SNTG1: variants seen among roughly 807,000 people sequenced by gnomAD.
SNTG1 encodes the protein gamma-1-syntrophin.
Under a neutral mutation model 74.7 loss-of-function variants are expected in SNTG1, and 39 were observed. That is an observed-to-expected ratio of 0.52 (90% CI 0.40 to 0.68). The LOEUF is 0.68. Ranked by LOEUF, SNTG1 falls within the 30% of genes least tolerant of loss-of-function variation. The pLI, the probability that SNTG1 is intolerant of heterozygous loss-of-function variation, is 0.00. For missense variants in SNTG1, 685 were observed against 609.5 expected (o/e 1.12, Z -1.30); for synonymous variants, 254 against 217.1 (o/e 1.17, Z -1.49).
intron 1 of SNTG1, among the ~76,000 whole-genome samples, chr8:49,999,990 G>A (rs1814598761): frequency 6.6e-6 from 1 of 152,090 alleles, no homozygotes; most frequent in Admixed American, 6.5e-5. Context: ...TTGAATAATT[G>A]TATCTGGTAT....
At chr8:50,364,084 T>C (rs1221395686) in intron 2 of SNTG1, among the ~76,000 whole-genome samples, 4 of 152,126 alleles carry the variant, frequency 2.6e-5, no homozygotes, top group Admixed American at 6.6e-5. Flanking sequence ...TTTAGGGAAG[T>C]TCCATTACAT....
At chr8:49,935,034 TC>T (rs1807930607) in intron 1 of SNTG1, among the ~76,000 whole-genome samples, 1 of 152,058 alleles carries the variant, frequency 6.6e-6, no homozygotes, top group South Asian at 2.1e-4. Context: ...GTTTAAGCCA[TC>T]CCGTACCATA....
intron 12 of SNTG1, among the ~76,000 whole-genome samples, chr8:50,558,644 T>C (rs1478500344): frequency 6.6e-6 from 1 of 152,014 alleles, no homozygotes; most frequent in African/African-American, 2.4e-5. Context: ...GTGTTTTTTT[T>C]TTCCTTCTTG....
intron 17 of SNTG1, among the ~76,000 whole-genome samples, chr8:50,745,357 T>C (rs1184899806): frequency 6.6e-6 from 1 of 151,892 alleles, no homozygotes; most frequent in East Asian, 1.9e-4. Context: ...CACTTTACAT[T>C]CATTGGGATG....
At chr8:50,584,676 C>T (rs1285896822) in intron 12 of SNTG1, among the ~76,000 whole-genome samples, 1 of 151,954 alleles carries the variant, frequency 6.6e-6, no homozygotes, top group Non-Finnish European at 1.5e-5. Flanking sequence ...AGTGGTAGCC[C>T]TCTAGGTTTT....
At chr8:50,413,915 T>C (rs1160806914) in intron 4 of SNTG1, among the ~76,000 whole-genome samples, 1 of 152,200 alleles carries the variant, frequency 6.6e-6, no homozygotes, top group Non-Finnish European at 1.5e-5. Flanking sequence ...TTCTATTCTA[T>C]CCTATTTTAT....
At chr8:50,168,597 G>A (rs766051594) in intron 1 of SNTG1, among the ~76,000 whole-genome samples, 2 of 152,008 alleles carry the variant, frequency 1.3e-5, no homozygotes, top group South Asian at 2.1e-4. Flanking sequence ...ATGTTATAAA[G>A]CATATTAATA....
intron 11 of SNTG1, among the ~76,000 whole-genome samples, chr8:50,548,437 T>G (rs900649067): frequency 6.6e-6 from 1 of 152,162 alleles, no homozygotes; most frequent in African/African-American, 2.4e-5. Flanking sequence ...AATTCAAGTC[T>G]GACAGTGGAG....
At chr8:50,431,731 G>T (rs989243471) in intron 4 of SNTG1, among the ~76,000 whole-genome samples, 1 of 152,156 alleles carries the variant, frequency 6.6e-6, no homozygotes, top group Non-Finnish European at 1.5e-5. Context: ...TTTAATAAGT[G>T]TATAATATTA....
intron 2 of SNTG1, among the ~76,000 whole-genome samples, chr8:50,266,678 G>GTATATATA (rs1160066855): frequency 2.0e-4 from 28 of 136,902 alleles, no homozygotes; most frequent in African/African-American, 7.2e-4. Context: ...GTGTGTGTGT[G>GTATATATA]TGTGTGTATA....
intron 2 of SNTG1, among the ~76,000 whole-genome samples, chr8:50,388,323 C>T (rs759518132): frequency 1.3e-5 from 2 of 152,138 alleles, no homozygotes; most frequent in Non-Finnish European, 2.9e-5. Context: ...AGAACCTTGC[C>T]TTATCAATAC....
At chr8:50,627,035 G>A (rs188172385) in intron 13 of SNTG1, among the ~76,000 whole-genome samples, 23 of 151,726 alleles carry the variant, frequency 1.5e-4, no homozygotes, top group Non-Finnish European at 3.1e-4. Context: ...TGATTTTGTC[G>A]ACTGCACAGC....
intron 1 of SNTG1, among the ~76,000 whole-genome samples, chr8:50,098,184 A>G (rs203632): frequency 0.54 from 81,947 of 151,908 alleles, 24,493 homozygotes; most frequent in East Asian, 0.84. Flanking sequence ...CATGGTTTCA[A>G]ATCTTTCCAG....
intron 1 of SNTG1, among the ~76,000 whole-genome samples, chr8:49,934,178 T>C (rs1428488035): frequency 6.6e-6 from 1 of 152,092 alleles, no homozygotes; most frequent in Admixed American, 6.5e-5. Flanking sequence ...TTATAAGGTA[T>C]ACCTTACTTA....
chr8:50,713,788 G>T lies in SNTG1; in HGVS notation c.1284+4810G>T, dbSNP rs186522053. Among the ~76,000 whole-genome samples the T allele has an allele frequency of 2.0e-5, 3 of 152,210 alleles. 1 individual carries two copies. Among genetic ancestry groups the T allele is most frequent in the Non-Finnish European group, 4.4e-5 (3 of 68,000 alleles). On this transcript the variant is annotated intron_variant, in intron 17 of 18. Coordinates refer to ENST00000642720, the MANE Select transcript of SNTG1 (RefSeq NM_018967.5). ...TAAATAGGGAATCCTGGCTGGGTGT[G>T]GTGGCTCACATCTGTAATTCCAGCA... is the stretch of plus-strand genomic sequence containing the variant.
chr8:50,541,184 T>C (rs1003029157), intron 11 of SNTG1, among the ~76,000 whole-genome samples: 31 of 151,900 alleles, frequency 2.0e-4, no homozygotes, highest in African/African-American at 7.0e-4. Context: ...ATTGCAAAAC[T>C]GTAATACAAT....
At chr8:49,943,235 C>T (rs549330940) in intron 1 of SNTG1, among the ~76,000 whole-genome samples, 65 of 152,174 alleles carry the variant, frequency 4.3e-4, no homozygotes, top group African/African-American at 1.6e-3. Context: ...GGATTACATC[C>T]AAATTATGGT....
chr8:50,261,496 A>T (rs187607599), intron 2 of SNTG1, among the ~76,000 whole-genome samples: 158 of 152,100 alleles, frequency 1.0e-3, no homozygotes, highest in Admixed American at 2.0e-3. Flanking sequence ...AAAGGTAAAA[A>T]TTTTTTTTAT....
intron 2 of SNTG1, among the ~76,000 whole-genome samples, chr8:50,364,932 T>A (rs1443554530): frequency 6.6e-6 from 1 of 152,060 alleles, no homozygotes; most frequent in Non-Finnish European, 1.5e-5. Context: ...GAAAAAATCA[T>A]TTAAGGCTTT....
Sources: gnomAD v4.1 joint callset for allele counts (sites outside exome capture counted in the v4.1 genomes callset) on GRCh38, gnomAD v4.1.1 for gene constraint, MANE v1.5 for transcripts, NCBI Gene and HGNC (gene_info 2026-07-23, HGNC 2026-07-21) for gene names.